PRKCA: variants seen among roughly 807,000 people sequenced by gnomAD.
The protein encoded by PRKCA is protein kinase C alpha type.
PRKCA carries 27 observed loss-of-function variants against 87.0 expected under a neutral mutation model. The observed-to-expected ratio is 0.31, with a 90% CI of 0.23 to 0.43. The LOEUF (loss-of-function observed/expected upper bound fraction) is 0.43, where lower values mean the gene tolerates loss of function less well. Among genes scored for constraint, PRKCA ranks in the 20% least tolerant of loss-of-function variants. The pLI is 1.00. For missense variants in PRKCA, 518 were observed against 852.3 expected (o/e 0.61, Z 4.88); for synonymous variants, 329 against 311.1 (o/e 1.06, Z -0.61).
intron 3 of PRKCA, among the ~76,000 whole-genome samples, chr17:66,616,828 A>T (rs1450139308): frequency 1.3e-5 from 2 of 151,936 alleles, no homozygotes; most frequent in Non-Finnish European, 2.9e-5. Flanking sequence ...AAGGAGGCAC[A>T]GAGGAGGGAG....
chr17:66,389,808 A>G (rs529033420), intron 2 of PRKCA, among the ~76,000 whole-genome samples: 2 of 152,382 alleles, frequency 1.3e-5, no homozygotes, highest in Non-Finnish European at 1.5e-5. Flanking sequence ...ATTCTTACAC[A>G]TAGCCTTAAT....
chr17:66,640,892 G>T, intron 3 of PRKCA: 1 of 425,526 alleles, frequency 2.4e-6, no homozygotes, highest in South Asian at 1.7e-5. Context: ...CAGGTGTGGT[G>T]GTTCACGCCT....
At chr17:66,720,293 C>T (rs966264414) in intron 8 of PRKCA, among the ~76,000 whole-genome samples, 2 of 152,222 alleles carry the variant, frequency 1.3e-5, no homozygotes, top group Admixed American at 6.5e-5. Flanking sequence ...GCGTGCTTGG[C>T]GTGTCCCAGC....
At chr17:66,330,698 G>A (rs935909458) in intron 2 of PRKCA, among the ~76,000 whole-genome samples, 40 of 152,086 alleles carry the variant, frequency 2.6e-4, no homozygotes, top group African/African-American at 8.9e-4. Flanking sequence ...TAGGAAAAAG[G>A]TATTTGGAAG....
At chr17:66,755,291 TG>T (rs1034376216) in intron 13 of PRKCA, among the ~76,000 whole-genome samples, 1 of 152,096 alleles carries the variant, frequency 6.6e-6, no homozygotes, top group Non-Finnish European at 1.5e-5. Flanking sequence ...GGGGTGGCGG[TG>T]GGGAGAACAC....
At chr17:66,514,720 G>A (rs1225565846) in intron 3 of PRKCA, among the ~76,000 whole-genome samples, 1 of 152,012 alleles carries the variant, frequency 6.6e-6, no homozygotes, top group East Asian at 1.9e-4. Flanking sequence ...GCTCCAAGCA[G>A]GAGGTGAGCC....
At position 66,492,732 on chromosome 17, in the gene PRKCA, G is replaced by A. The variant is rs1320063330; in HGVS notation, c.206-3469G>A. On this transcript the variant is annotated intron_variant, in intron 2 of 16. Transcript: ENST00000413366. ...AGATTAATTTGTGCCATCACAGCAC[G>A]GCTTTATTATCCGTCCTTCGAGAGT... Among the ~76,000 whole-genome samples the A allele has an allele frequency of 5.9e-5, 9 of 152,350 alleles. No homozygotes were observed. In the East Asian group the frequency reaches 1.5e-3, roughly 26 times the overall value.
chr17:66,671,777 A>G (rs1314133486), intron 5 of PRKCA, among the ~76,000 whole-genome samples: 1 of 152,246 alleles, frequency 6.6e-6, no homozygotes. Context: ...ACTAACATGC[A>G]TTGGAAATCT....
At chr17:66,730,348 G>C (rs1343218631) in intron 8 of PRKCA, among the ~76,000 whole-genome samples, 1 of 152,198 alleles carries the variant, frequency 6.6e-6, no homozygotes, top group Non-Finnish European at 1.5e-5. Flanking sequence ...ACAGAGTAAA[G>C]TGAAAGCAAG....
rs1907710703 is a variant in PRKCA at position 66,351,012 on chromosome 17, A to G, written c.205+44885A>G. ...TTATCATGGACTGCAGTACAATGTA[A>G]TTGTCTGTGTGCCAGTTTCCTCTGT... On this transcript the variant is annotated intron_variant, in intron 2 of 16. Transcript: ENST00000413366. Among the ~76,000 whole-genome samples, 3 of 152,194 alleles carry G rather than the reference A, an allele frequency of 2.0e-5. No individual in the cohort carries two copies. The South Asian group carries it at 6.2e-4, about 31-fold the overall frequency.
intron 1 of PRKCA, 130 bp downstream of exon 1, chr17:66,303,154 T>C: frequency 4.8e-6 from 6 of 1,256,500 alleles, no homozygotes; most frequent in Non-Finnish European, 6.4e-6. Context: ...TCCGAACTCT[T>C]CGCCCGGAGT....
intron 2 of PRKCA, among the ~76,000 whole-genome samples, chr17:66,449,480 T>C (rs1376192452): frequency 6.6e-6 from 1 of 152,194 alleles, no homozygotes; most frequent in East Asian, 1.9e-4. Context: ...ATTCTTTCAA[T>C]TGAACCTCGC....
chr17:66,760,960 TA>T (rs1465335052), intron 13 of PRKCA, among the ~76,000 whole-genome samples: 22 of 151,996 alleles, frequency 1.4e-4, no homozygotes, highest in African/African-American at 5.1e-4. Context: ...TACAGGGAGG[TA>T]AAAAAGGGTG....
intron 2 of PRKCA, among the ~76,000 whole-genome samples, chr17:66,431,258 T>A (rs988757888): frequency 3.3e-5 from 5 of 152,244 alleles, no homozygotes; most frequent in Non-Finnish European, 2.9e-5. Context: ...CATGGACCTT[T>A]TACGTGCTTT....
chr17:66,642,821 T>A (rs929844900), intron 4 of PRKCA, among the ~76,000 whole-genome samples: 2 of 152,120 alleles, frequency 1.3e-5, no homozygotes, highest in African/African-American at 4.8e-5. Flanking sequence ...GGCGGGAGGA[T>A]CACCTGAGGT....
At chr17:66,438,009 G>A (rs1913502339) in intron 2 of PRKCA, among the ~76,000 whole-genome samples, 1 of 151,612 alleles carries the variant, frequency 6.6e-6, no homozygotes, top group Non-Finnish European at 1.5e-5. Context: ...ACAGTCTGGT[G>A]GGGTTTGGGG....
intron 2 of PRKCA, among the ~76,000 whole-genome samples, chr17:66,462,263 C>T (rs1914887798): frequency 6.6e-6 from 1 of 152,100 alleles, no homozygotes; most frequent in Non-Finnish European, 1.5e-5. Context: ...AATGAAACAG[C>T]TCCTATTTTG....
At chr17:66,435,803 A>G (rs1158390137) in intron 2 of PRKCA, among the ~76,000 whole-genome samples, 1 of 152,156 alleles carries the variant, frequency 6.6e-6, no homozygotes, top group Non-Finnish European at 1.5e-5. Flanking sequence ...AAATGTGAAG[A>G]GAGGTTTCCA....
At chr17:66,368,797 CA>C (rs1908919491) in intron 2 of PRKCA, among the ~76,000 whole-genome samples, 1 of 152,114 alleles carries the variant, frequency 6.6e-6, no homozygotes, top group Non-Finnish European at 1.5e-5. Context: ...AAGTTTTATA[CA>C]AATGTAAAGT....
Sources: allele counts gnomAD v4.1 joint callset (sites outside exome capture counted in the v4.1 genomes callset), GRCh38; gene constraint gnomAD v4.1.1; transcripts MANE v1.5; gene names NCBI Gene and HGNC (gene_info 2026-07-23, HGNC 2026-07-21).